The following PARP1 variants were observed in gnomAD, a reference collection of about 807,000 sequenced individuals.
PARP1 encodes poly [ADP-ribose] polymerase 1.
In PARP1, 44 loss-of-function variants were observed where a neutral mutation model predicts 118.7. That is an observed-to-expected ratio of 0.37 (90% CI 0.29 to 0.48). The LOEUF (loss-of-function observed/expected upper bound fraction) is 0.48, where lower values mean the gene tolerates loss of function less well. Ranked by LOEUF, PARP1 falls within the 20% of genes least tolerant of loss-of-function variation. The pLI, the probability that PARP1 is intolerant of heterozygous loss-of-function variation, is 0.99. For synonymous variants in PARP1, 492 were observed against 483.2 expected (o/e 1.02, Z -0.24); for missense variants, 1,100 against 1,272.4 (o/e 0.86, Z 2.06).
Position 226,379,931 on chromosome 1 carries a change from T to C in PARP1, c.1534A>G (p.Lys512Glu). Residue 512 changes from lysine to glutamate, a missense_variant, in exon 10 of 23, where the codon AAG becomes GAG. Lys to Glu is a moderately conservative substitution (Grantham distance 56). Around this residue, in one of 2 missense-constraint regions of PARP1, gnomAD observed 948 missense variants for 1,031.8 expected, o/e 0.92. Transcript: ENST00000366794. ...ALSKKSKGQV[K>E]EEGINKSEKR... ...AGCTTGGGGCCCTCACCTTCCTCCT[T>C]GACCTGGCCCTTGCTTTTTTTGGAG... The C allele has an allele frequency of 6.2e-7, 1 of 1,613,788 alleles. No homozygotes were observed. Among genetic ancestry groups the C allele is most frequent in the East Asian group, 2.2e-5 (1 of 44,880 alleles).
chr1:226,393,619 C>A (rs1664858990), intron 2 of PARP1, among the ~76,000 whole-genome samples: 1 of 152,222 alleles, frequency 6.6e-6, no homozygotes, highest in Non-Finnish European at 1.5e-5. Context: ...AGAGGGTATA[C>A]AATTCCTTTT....
intron 1 of PARP1, among the ~76,000 whole-genome samples, chr1:226,403,050 C>A (rs983621069): frequency 7.2e-5 from 11 of 152,362 alleles, no homozygotes; most frequent in Admixed American, 7.2e-4. Flanking sequence ...CAGCTGCTCA[C>A]TGGCCTTCTG....
intron 14 of PARP1, among the ~76,000 whole-genome samples, chr1:226,373,741 T>C (rs1022075441): frequency 6.6e-6 from 1 of 152,140 alleles, no homozygotes; most frequent in African/African-American, 2.4e-5. Flanking sequence ...GCACTTCCCA[T>C]GGTAACTCCA....
Position 226,385,418 on chromosome 1 carries a change from C to CT in PARP1, c.1011+85dup, listed in dbSNP as rs1664695556. On this transcript the variant is annotated intron_variant, in intron 7 of 22. Coordinates refer to ENST00000366794, the MANE Select transcript of PARP1 (RefSeq NM_001618.4). The stretch of plus-strand genomic sequence containing the variant: ...AGTCTGAGGAACATGGCCCTGCAAT[C>CT]TCAGGGACCTGAAGTATAAACAAGC... 4 of 1,142,258 alleles carry CT rather than the reference C, an allele frequency of 3.5e-6. No homozygotes were observed. In the African/African-American group the frequency reaches 6.1e-5, roughly 17 times the overall value. 70.8% of individuals were successfully genotyped at this position (1,142,258 alleles called of 1,614,324 possible).
chr1:226,402,506 T>TAGGAG, intron 1 of PARP1, 127 bp from the exon 2 acceptor site: 4 of 880,598 alleles, frequency 4.5e-6, no homozygotes, highest in Non-Finnish European at 7.3e-6. Flanking sequence ...AAACTTTTGT[T>TAGGAG]CTCCTATCTG....
rs1558240413 is a variant in PARP1, at chr1:226,390,400, C to T, written c.617+10G>A. The T allele has an allele frequency of 2.5e-6, 4 of 1,612,546 alleles. No homozygotes were observed. Among genetic ancestry groups the T allele is most frequent in the Admixed American group, 3.3e-5 (2 of 59,996 alleles). ...GAACCCCCAGGGCAACCCCGCAGTG[C>T]TCCACCCACCCTTCACTCTTGACTC... On this transcript the variant is annotated intron_variant, in intron 4 of 22. Transcript: ENST00000366794.
intron 3 of PARP1, 73 bp from the exon 4 acceptor site, chr1:226,390,697 G>A (rs975439685): frequency 2.1e-6 from 3 of 1,396,288 alleles, no homozygotes; most frequent in African/African-American, 2.8e-5. Context: ...GGCAGCCTGT[G>A]CTCCAGCCAG....
intron 7 of PARP1, 134 bp from the exon 8 acceptor site, chr1:226,383,317 A>T (rs1664656329): frequency 4.1e-6 from 3 of 737,974 alleles, no homozygotes; most frequent in Admixed American, 2.4e-5. Flanking sequence ...AACAAAAAAT[A>T]GAAAAATGTG....
chr1:226,367,757 G>T, intron 16 of PARP1, 149 bp from the exon 17 acceptor site: 1 of 883,544 alleles, frequency 1.1e-6, no homozygotes, highest in Non-Finnish European at 1.8e-6. Context: ...GTTACCTGCT[G>T]CACATATTGA....
At chr1:226,363,050 G>T in intron 21 of PARP1, 49 bp downstream of exon 21, 1 of 1,341,274 alleles carries the variant, frequency 7.5e-7, no homozygotes, top group Non-Finnish European at 1.1e-6. Context: ...CGGCTTCTGT[G>T]CTGTCCAGGG....
intron 7 of PARP1, among the ~76,000 whole-genome samples, chr1:226,384,508 C>T (rs559864416): frequency 1.3e-5 from 2 of 152,344 alleles, no homozygotes; most frequent in South Asian, 4.1e-4. Context: ...ATATAAAATA[C>T]AAGGAATGGC....
intron 4 of PARP1, among the ~76,000 whole-genome samples, chr1:226,389,354 GC>G (rs1664780557): frequency 6.6e-6 from 1 of 152,202 alleles, no homozygotes; most frequent in Non-Finnish European, 1.5e-5. Flanking sequence ...GCTATCACCT[GC>G]CCCCAAAATA....
At chr1:226,399,280 C>A (rs781116638) in intron 2 of PARP1, among the ~76,000 whole-genome samples, 1 of 151,922 alleles carries the variant, frequency 6.6e-6, no homozygotes, top group Non-Finnish European at 1.5e-5. Context: ...CCATATTGGC[C>A]AGGCTGGTCT....
In PARP1 at chr1:226,392,328, C is replaced by A. The variant is rs1473589115; in HGVS notation, c.287-14G>T. On this transcript the variant is annotated splice_polypyrimidine_tract_variant and intron_variant, in intron 2 of 22. Coordinates refer to ENST00000366794, the MANE Select transcript of PARP1 (RefSeq NM_001618.4). Reference sequence around the variant, plus strand: ...CCTGGCCTTTGCCTGGAGAATCAAACAGACAGCAATGCTCATCTCAACAGC... The same window carrying A: ...CCTGGCCTTTGCCTGGAGAATCAAAAAGACAGCAATGCTCATCTCAACAGC... 1 of 1,585,294 alleles carries A rather than the reference C, an allele frequency of 6.3e-7. No homozygotes were observed. The highest frequency in any genetic ancestry group is 1.7e-5 in the Admixed American group (1 of 59,984).
chr1:226,404,608 G>C (rs1157007183), intron 1 of PARP1, among the ~76,000 whole-genome samples: 2 of 152,232 alleles, frequency 1.3e-5, no homozygotes, highest in Non-Finnish European at 1.5e-5. Flanking sequence ...CACAGCACAA[G>C]CTTAGAGGAC....
At chr1:226,406,222 T>G (rs1234080952) in intron 1 of PARP1, among the ~76,000 whole-genome samples, 1 of 152,196 alleles carries the variant, frequency 6.6e-6, no homozygotes, top group Non-Finnish European at 1.5e-5. Flanking sequence ...CTGCTTACAT[T>G]TATGATTAGA....
At chr1:226,370,831 T>TCCAGAGTCTGTAGCC in intron 14 of PARP1, 1 of 390,330 alleles carries the variant, frequency 2.6e-6, no homozygotes, top group Non-Finnish European at 4.9e-6. Context: ...CCCATCCAAT[T>TCCAGAGTCTGTAGCC]CTGATGTGCA....
intron 1 of PARP1, among the ~76,000 whole-genome samples, chr1:226,407,176 A>G (rs757641838): frequency 5.3e-5 from 8 of 152,190 alleles, no homozygotes; most frequent in Non-Finnish European, 1.2e-4. Flanking sequence ...CAAACCAGAC[A>G]GCTGCAAATG....
intron 3 of PARP1, 134 bp from the exon 4 acceptor site, chr1:226,390,758 T>C: frequency 1.3e-6 from 1 of 770,618 alleles, no homozygotes; most frequent in Non-Finnish European, 2.2e-6. Context: ...TGAAGACTCA[T>C]GAGCTTTTGA....
Sources: gnomAD v4.1 joint callset for allele counts (sites outside exome capture counted in the v4.1 genomes callset) on GRCh38, gnomAD v4.1.1 for gene constraint, gnomAD v4.1.1 regional missense constraint, MANE v1.5 for transcripts, NCBI Gene and HGNC (gene_info 2026-07-23, HGNC 2026-07-21) for gene names.